The following SEMA3C variants were observed in gnomAD, a reference collection of about 807,000 sequenced individuals.
SEMA3C encodes semaphorin-3C.
Under a neutral mutation model 89.4 loss-of-function variants are expected in SEMA3C, and 47 were observed. The ratio of observed to expected loss-of-function variants is 0.53; its 90% CI spans 0.42 to 0.67. The LOEUF (loss-of-function observed/expected upper bound fraction) is 0.67. Ranked by LOEUF, SEMA3C falls within the 30% of genes least tolerant of loss-of-function variation. The pLI, the probability that SEMA3C is intolerant of heterozygous loss-of-function variation, is 0.00. For missense variants in SEMA3C, 839 were observed against 929.1 expected (o/e 0.90, Z 1.26); for synonymous variants, 310 against 320.2 (o/e 0.97, Z 0.34).
intron 5 of SEMA3C, among the ~76,000 whole-genome samples, chr7:80,817,662 C>G (rs963769802): frequency 6.8e-5 from 10 of 148,140 alleles, no homozygotes; most frequent in Admixed American, 4.6e-4. Context: ...AAACATCATA[C>G]CATAATGCCG....
rs201493266 is a variant in SEMA3C, at chr7:80,802,709, G to A, written c.872C>T (p.Ser291Leu). The change falls in exon 9 of 18, where the codon TCG becomes TTG. Residue 291 changes from serine to leucine, a missense_variant. Ser to Leu is a moderately radical substitution (Grantham distance 145, BLOSUM62 -2). Coordinates refer to ENST00000265361, the MANE Select transcript of SEMA3C (RefSeq NM_006379.5). ...TTCTGGGCCGTCTTCATCTGTTACC[G>A]AGCACACCAGCCTCGCCTTTAAGAA... The part of the protein sequence containing the change: ...TTFLKARLVC[S>L]VTDEDGPETH... 76 of 1,613,152 alleles carry A rather than the reference G, an allele frequency of 4.7e-5. No individual in the cohort carries two copies. The highest frequency in any genetic ancestry group is 1.1e-4 in the East Asian group (5 of 44,848).
intron 15 of SEMA3C, among the ~76,000 whole-genome samples, chr7:80,755,079 C>T (rs1416577023): frequency 6.6e-6 from 1 of 151,494 alleles, no homozygotes. Flanking sequence ...GGACTACAGG[C>T]ATAAGCCACT....
chr7:80,747,207 C>T (rs189228234), intron 17 of SEMA3C, among the ~76,000 whole-genome samples: 8 of 152,008 alleles, frequency 5.3e-5, no homozygotes, highest in Non-Finnish European at 1.0e-4. Context: ...GAAAAAAAGT[C>T]AAAATAGTAA....
intron 11 of SEMA3C, among the ~76,000 whole-genome samples, chr7:80,789,946 T>A (rs1788897073): frequency 6.6e-6 from 1 of 152,124 alleles, no homozygotes; most frequent in African/African-American, 2.4e-5. Flanking sequence ...CTCTGACATG[T>A]AAAAGTTTTA....
In SEMA3C at chr7:80,909,546, G is replaced by C. The variant is rs115109179; in HGVS notation, c.103+7133C>G. Among the ~76,000 whole-genome samples, 4 of 152,116 alleles carry C rather than the reference G, an allele frequency of 2.6e-5. No homozygotes were observed. The South Asian group carries it at 8.3e-4, about 31-fold the overall frequency. ...TCAAGAATCTTAAATGCTAGCAAGC[G>C]TTAAAGTTGAGTAAGGCAAGAATAT... On this transcript the variant is annotated intron_variant, in intron 2 of 17. Transcript: ENST00000265361.
chr7:80,871,622 C>T (rs528174927), intron 2 of SEMA3C, among the ~76,000 whole-genome samples: 2 of 152,252 alleles, frequency 1.3e-5, no homozygotes, highest in East Asian at 3.9e-4. Flanking sequence ...TAAATAACTC[C>T]CACCTGCTTA....
rs144101518 is a variant in SEMA3C, at chr7:80,863,768, A to G, written c.104-35023T>C. 1.8e-3 allele frequency among the ~76,000 whole-genome samples: 233 copies of G among 132,206 alleles called. 4 individuals are homozygous for G. In the East Asian group the frequency reaches 0.046, roughly 26 times the overall value. 86.7% of individuals were successfully genotyped at this position (132,206 alleles called of 152,430 possible). ...AGTATTCCATCATATATATAGTAGTATTCCATCATATATATAGTAGTATTC... is the reference window on the plus strand; with the variant it reads ...AGTATTCCATCATATATATAGTAGTGTTCCATCATATATATAGTAGTATTC... On this transcript the variant is annotated intron_variant, in intron 2 of 17. Transcript: ENST00000265361.
At chr7:80,872,523 G>C (rs964229021) in intron 2 of SEMA3C, among the ~76,000 whole-genome samples, 1 of 151,914 alleles carries the variant, frequency 6.6e-6, no homozygotes, top group Non-Finnish European at 1.5e-5. Context: ...TGAATTCTCG[G>C]CCGGGCGTGG....
chr7:80,815,692 G>C (rs1789591268), intron 5 of SEMA3C, among the ~76,000 whole-genome samples: 2 of 150,734 alleles, frequency 1.3e-5, no homozygotes, highest in African/African-American at 2.4e-5. Context: ...CCTACAAAAA[G>C]ATACTGAAAC....
intron 2 of SEMA3C, among the ~76,000 whole-genome samples, chr7:80,869,440 A>G (rs1791006092): frequency 6.6e-6 from 1 of 152,194 alleles, no homozygotes; most frequent in Non-Finnish European, 1.5e-5. Context: ...CAACTCTCAC[A>G]GAAGAAGTAA....
At chr7:80,881,049 G>C (rs1353463636) in intron 2 of SEMA3C, among the ~76,000 whole-genome samples, 1 of 151,960 alleles carries the variant, frequency 6.6e-6, no homozygotes, top group Non-Finnish European at 1.5e-5. Context: ...TTACAATTCT[G>C]ATGATAATCT....
At chr7:80,810,001 T>C (rs529365346) in intron 6 of SEMA3C, among the ~76,000 whole-genome samples, 101 of 152,144 alleles carry the variant, frequency 6.6e-4, no homozygotes, top group African/African-American at 2.3e-3. Flanking sequence ...AAGGAATCAG[T>C]TTTAGTGATC....
rs140430421 is a variant in SEMA3C, at chr7:80,753,658, T to C, written c.1644-2322A>G. 1.1e-4 allele frequency among the ~76,000 whole-genome samples: 17 copies of C among 152,344 alleles called. No homozygotes were observed. In the East Asian group the frequency reaches 2.7e-3, roughly 24 times the overall value. ...GTAGGCAGAGTAATATTGTATTGCATGTAGAACTTGGAATTTGGTTCAAGT... is the reference window on the plus strand; with the variant it reads ...GTAGGCAGAGTAATATTGTATTGCACGTAGAACTTGGAATTTGGTTCAAGT... On this transcript the variant is annotated intron_variant, in intron 15 of 17. Transcript: ENST00000265361.
intron 5 of SEMA3C, chr7:80,816,290 A>G (rs1179954078): frequency 6.6e-6 from 1 of 152,176 alleles, no homozygotes; most frequent in African/African-American, 2.4e-5. Context: ...CCAGATATAA[A>G]ACTGAATAAT....
intron 2 of SEMA3C, among the ~76,000 whole-genome samples, chr7:80,889,143 G>A (rs758054300): frequency 2.0e-5 from 3 of 152,186 alleles, no homozygotes; most frequent in African/African-American, 4.8e-5. Context: ...GACTACAGGC[G>A]TAAGCCACCA....
upstream of SEMA3C, among the ~76,000 whole-genome samples, chr7:80,921,023 C>T (rs1425926239): frequency 1.3e-5 from 2 of 152,200 alleles, no homozygotes; most frequent in Non-Finnish European, 2.9e-5. Context: ...TTCGTTTATA[C>T]ATTTTAAGTT....
At chr7:80,821,587 T>C (rs913566672) in intron 4 of SEMA3C, among the ~76,000 whole-genome samples, 3 of 152,150 alleles carry the variant, frequency 2.0e-5, no homozygotes, top group African/African-American at 7.2e-5. Flanking sequence ...GCCCGGCTAA[T>C]TTTTTGTATT....
At chr7:80,834,526 G>T (rs1790081945) in intron 2 of SEMA3C, among the ~76,000 whole-genome samples, 1 of 152,098 alleles carries the variant, frequency 6.6e-6, no homozygotes, top group Non-Finnish European at 1.5e-5. Context: ...AACATATTAT[G>T]TCCATCAATA....
chr7:80,868,676 C>T (rs973301763), intron 2 of SEMA3C, among the ~76,000 whole-genome samples: 5 of 152,006 alleles, frequency 3.3e-5, no homozygotes, highest in African/African-American at 1.2e-4. Context: ...CAAAAATATT[C>T]ATGAAATTCA....
Sources: gnomAD v4.1 joint callset for allele counts (sites outside exome capture counted in the v4.1 genomes callset) on GRCh38, gnomAD v4.1.1 for gene constraint, MANE v1.5 for transcripts, NCBI Gene and HGNC (gene_info 2026-07-23, HGNC 2026-07-21) for gene names.